ENAH: variants seen among roughly 807,000 people sequenced by gnomAD.
The protein encoded by ENAH is protein enabled homolog.
Under a neutral mutation model 78.7 loss-of-function variants are expected in ENAH, and 23 were observed. That is an observed-to-expected ratio of 0.29 (90% CI 0.21 to 0.41). The LOEUF (loss-of-function observed/expected upper bound fraction) is 0.41, where lower values mean the gene tolerates loss of function less well. ENAH is among the 10% of genes least tolerant of loss of function. The pLI is 1.00. For synonymous variants in ENAH, 226 were observed against 241.0 expected (o/e 0.94, Z 0.58); for missense variants, 544 against 691.0 (o/e 0.79, Z 2.39).
At chr1:225,516,287 T>C (rs1323959847) in intron 6 of ENAH, among the ~76,000 whole-genome samples, 1 of 152,160 alleles carries the variant, frequency 6.6e-6, no homozygotes, top group African/African-American at 2.4e-5. Context: ...CTTTAGGGCA[T>C]ATATGAACCC....
At chr1:225,511,890 T>C in intron 9 of ENAH, 31 bp from the exon 10 acceptor site, 1 of 1,450,364 alleles carries the variant, frequency 6.9e-7, no homozygotes, top group Non-Finnish European at 9.6e-7. Context: ...TAATATCACA[T>C]CTACCAGTCC....
chr1:225,497,858 T>C lies in ENAH; in HGVS notation c.1676-46A>G, dbSNP rs1390157625. The C allele has an allele frequency of 4.5e-6, 7 of 1,538,474 alleles. No individual in the cohort carries two copies. In the Admixed American group the frequency reaches 1.2e-4, roughly 26 times the overall value. On this transcript the variant is annotated intron_variant, in intron 13 of 13. Coordinates refer to ENST00000366843, the MANE Select transcript of ENAH (RefSeq NM_018212.6). ...ATTGAAAATAAATATAATGATAAAG[T>C]AAGATAAATGAGTGATTCATTCCTA...
rs573916616 is a variant in ENAH at position 225,543,891 on chromosome 1, A to G, written c.349+11015T>C. Among the ~76,000 whole-genome samples the G allele has an allele frequency of 6.6e-5, 10 of 152,330 alleles. No homozygotes were observed. In the South Asian group the frequency reaches 1.5e-3, roughly 22 times the overall value. ...TCAAAAGACTCCTTAGAATTTTTCT[A>G]CCTTACCTAGATTATGAAAACAGGA... On this transcript the variant is annotated intron_variant, in intron 3 of 13. Transcript: ENST00000366843.
chr1:225,580,563 T>C (rs2096811169), intron 1 of ENAH, among the ~76,000 whole-genome samples: 1 of 152,288 alleles, frequency 6.6e-6, no homozygotes, highest in Admixed American at 6.5e-5. Flanking sequence ...GTGTAATTTA[T>C]TGTGTGGCTA....
rs1308305066 is a variant in ENAH, at chr1:225,574,684, G to A, written c.6-7270C>T. ...TGGGAGGCCGAGGCGGGCGGATCAC[G>A]AGGTCAGGAGATCGAGACCATCCTG... On this transcript the variant is annotated intron_variant, in intron 1 of 13. Coordinates refer to ENST00000366843, the MANE Select transcript of ENAH (RefSeq NM_018212.6). Among the ~76,000 whole-genome samples the A allele has an allele frequency of 3.1e-3, 10 of 3,176 alleles. 5 individuals are homozygous for A. The highest frequency in any genetic ancestry group is 5.7e-3 in the Non-Finnish European group (10 of 1,762). 2.1% of individuals were successfully genotyped at this position (3,176 alleles called of 152,430 possible).
At chr1:225,601,714 T>C (rs554221862) in intron 1 of ENAH, among the ~76,000 whole-genome samples, 1 of 152,110 alleles carries the variant, frequency 6.6e-6, no homozygotes, top group African/African-American at 2.4e-5. Flanking sequence ...ATACAGATTA[T>C]GTTCTGATAT....
intron 3 of ENAH, among the ~76,000 whole-genome samples, chr1:225,534,418 T>C (rs939300540): frequency 2.6e-5 from 4 of 152,150 alleles, no homozygotes; most frequent in African/African-American, 9.6e-5. Flanking sequence ...CTTTCCTTTT[T>C]TCTTTTTTTT....
chr1:225,500,189 A>G lies in ENAH; in HGVS notation c.1617+803T>C, dbSNP rs149695708. 6.1e-4 allele frequency among the ~76,000 whole-genome samples: 93 copies of G among 152,352 alleles called. No individual in the cohort carries two copies. In the East Asian group the frequency reaches 0.017, roughly 27 times the overall value. ...TTTTATAACTCAATTTAACTTTTCC[A>G]ATAGCTTTGCAGTATGAAAATTCAG... On this transcript the variant is annotated intron_variant, in intron 12 of 13. Coordinates refer to ENST00000366843, the MANE Select transcript of ENAH (RefSeq NM_018212.6).
chr1:225,617,952 T>C (rs1656088213), intron 1 of ENAH, among the ~76,000 whole-genome samples: 1 of 152,210 alleles, frequency 6.6e-6, no homozygotes, highest in African/African-American at 2.4e-5. Flanking sequence ...TTTTAATTGT[T>C]CATCGTAGCT....
chr1:225,552,134 CTTTTTTTTTTT>C (rs397983036), intron 3 of ENAH, among the ~76,000 whole-genome samples: 3 of 115,966 alleles, frequency 2.6e-5, no homozygotes, highest in Non-Finnish European at 3.4e-5. Flanking sequence ...ACTCCTGATT[CTTTTTTTTTTT>C]TTTTTTTTTG....
rs1270692478 is a variant in ENAH at position 225,497,474 on chromosome 1, G to A, written c.*301C>T. Reference sequence around the variant, plus strand: ...TCTTGATATGAAAATATTTCAATGCGTGGTGATCTTGCCTGATGGGTTTTA... The same window carrying A: ...TCTTGATATGAAAATATTTCAATGCATGGTGATCTTGCCTGATGGGTTTTA... On this transcript the variant is annotated 3_prime_UTR_variant, in exon 14 of 14. Coordinates refer to ENST00000366843, the MANE Select transcript of ENAH (RefSeq NM_018212.6). 5 of 220,420 alleles carry A rather than the reference G, an allele frequency of 2.3e-5. No individual in the cohort carries two copies. The South Asian group carries it at 6.6e-4, about 29-fold the overall frequency. 13.7% of individuals were successfully genotyped at this position (220,420 alleles called of 1,614,324 possible).
At chr1:225,509,797 C>T (rs1245048053) in intron 10 of ENAH, among the ~76,000 whole-genome samples, 1 of 152,142 alleles carries the variant, frequency 6.6e-6, no homozygotes, top group Admixed American at 6.5e-5. Flanking sequence ...AAGAATTCCC[C>T]GTTCTAGTCT....
chr1:225,597,497 A>G (rs1044801730), intron 1 of ENAH, among the ~76,000 whole-genome samples: 1 of 151,932 alleles, frequency 6.6e-6, no homozygotes, highest in Non-Finnish European at 1.5e-5. Context: ...CTGTTTCTAC[A>G]AATTTAAAAA....
intron 1 of ENAH, among the ~76,000 whole-genome samples, chr1:225,571,936 T>C (rs1324308401): frequency 1.3e-5 from 2 of 152,108 alleles, no homozygotes; most frequent in African/African-American, 4.8e-5. Context: ...TTATAATAAA[T>C]GGGTAATAGT....
intron 3 of ENAH, among the ~76,000 whole-genome samples, chr1:225,550,703 G>A (rs1193329683): frequency 1.3e-5 from 2 of 151,932 alleles, no homozygotes; most frequent in Non-Finnish European, 2.9e-5. Context: ...CAACCATAAG[G>A]AAGGTATGAC....
At chr1:225,577,656 A>G (rs1029262312) in intron 1 of ENAH, among the ~76,000 whole-genome samples, 1 of 152,258 alleles carries the variant, frequency 6.6e-6, no homozygotes, top group Non-Finnish European at 1.5e-5. Context: ...GCAGTCTAGT[A>G]TAACTGATCC....
chr1:225,565,950 T>A (rs1354829368), intron 2 of ENAH, among the ~76,000 whole-genome samples: 3 of 152,200 alleles, frequency 2.0e-5, no homozygotes, highest in African/African-American at 7.2e-5. Flanking sequence ...TCTGTATAAA[T>A]GGATAAATCT....
chr1:225,493,025 T>C lies in ENAH; in HGVS notation c.*4750A>G, dbSNP rs2151000396. 6.6e-6 allele frequency: 1 copy of C among 152,368 alleles called. No individual in the cohort carries two copies. Among genetic ancestry groups the C allele is most frequent in the South Asian group, 2.1e-4 (1 of 4,830 alleles). The allele number at this position is 152,368 out of a possible 1,614,324, so 9.4% of individuals were successfully genotyped here. A position where few individuals can be genotyped will look rare whatever the true frequency, so the allele number is the denominator to read the frequency against. On this transcript the variant is annotated 3_prime_UTR_variant, in exon 14 of 14. Coordinates refer to ENST00000366843, the MANE Select transcript of ENAH (RefSeq NM_018212.6). ...AATTTATCCTAGAACTCCATTTATT[T>C]ATGTTGATGGTGAGTATCTGTAACC... is the stretch of plus-strand genomic sequence containing the variant.
At chr1:225,525,526 A>G (rs970737997) in intron 4 of ENAH, among the ~76,000 whole-genome samples, 4 of 152,110 alleles carry the variant, frequency 2.6e-5, no homozygotes, top group Non-Finnish European at 5.9e-5. Flanking sequence ...TTCCCTCAGA[A>G]ACTACCCGTC....
Sources: gnomAD v4.1 joint callset for allele counts (sites outside exome capture counted in the v4.1 genomes callset) on GRCh38, gnomAD v4.1.1 for gene constraint, MANE v1.5 for transcripts, NCBI Gene and HGNC (gene_info 2026-07-23, HGNC 2026-07-21) for gene names.